CNTNAP2: variants seen among roughly 807,000 people sequenced by gnomAD.
CNTNAP2 encodes contactin-associated protein-like 2.
CNTNAP2 carries 98 observed loss-of-function variants against 155.2 expected under a neutral mutation model. The observed-to-expected ratio is 0.63, with a 90% CI of 0.54 to 0.75. The LOEUF (loss-of-function observed/expected upper bound fraction) is 0.75. Among genes scored for constraint, CNTNAP2 ranks in the 30% least tolerant of loss-of-function variants. The pLI, the probability that CNTNAP2 is intolerant of heterozygous loss-of-function variation, is 0.00. For synonymous variants in CNTNAP2, 651 were observed against 631.2 expected, an observed-to-expected ratio of 1.03 and a Z score of -0.47; for missense variants, 1,727 against 1,688.1, an observed-to-expected ratio of 1.02 and a Z score of -0.40.
intron 14 of CNTNAP2, among the ~76,000 whole-genome samples, chr7:147,975,314 G>A: frequency 6.6e-6 from 1 of 152,024 alleles, no homozygotes; most frequent in East Asian, 1.9e-4. Flanking sequence ...TACTGATTGG[G>A]AAGGGCATGG....
intron 8 of CNTNAP2, among the ~76,000 whole-genome samples, chr7:147,253,536 G>A (rs948521919): frequency 1.6e-4 from 24 of 152,170 alleles, no homozygotes; most frequent in African/African-American, 5.3e-4. Context: ...GATCCACATT[G>A]GGAACAGGAA....
rs374417299 is a variant in CNTNAP2 at position 146,731,694 on chromosome 7, C to T, written c.98-42577C>T. On this transcript the variant is annotated intron_variant, in intron 1 of 23. Coordinates refer to ENST00000361727, the MANE Select transcript of CNTNAP2 (RefSeq NM_014141.6). Reference sequence around the variant, plus strand: ...GTCTTTCAAGAAACTTAAAACAGCACGGATAGAAGTGTGTTTTTAACGTAT... The same window carrying T: ...GTCTTTCAAGAAACTTAAAACAGCATGGATAGAAGTGTGTTTTTAACGTAT... Among the ~76,000 whole-genome samples, 70 of 152,134 alleles carry T rather than the reference C, an allele frequency of 4.6e-4. 2 individuals carry two copies. In the South Asian group the frequency reaches 0.013, roughly 29 times the overall value.
At chr7:146,310,354 T>C (rs962077988) in intron 1 of CNTNAP2, among the ~76,000 whole-genome samples, 1 of 152,220 alleles carries the variant, frequency 6.6e-6, no homozygotes, top group Non-Finnish European at 1.5e-5. Flanking sequence ...ATATTGAATT[T>C]GTATCAGTGT....
chr7:146,931,402 C>A (rs1310461752), intron 3 of CNTNAP2, among the ~76,000 whole-genome samples: 9 of 148,508 alleles, frequency 6.1e-5, no homozygotes, highest in Middle Eastern at 3.4e-3. Context: ...AACAAAGACA[C>A]AACATACCAG....
chr7:146,734,701 A>G (rs930242465), intron 1 of CNTNAP2, among the ~76,000 whole-genome samples: 1 of 152,232 alleles, frequency 6.6e-6, no homozygotes, highest in African/African-American at 2.4e-5. Context: ...ATATTTTTAA[A>G]TATTTGTGAT....
At chr7:146,403,295 T>C (rs1375904883) in intron 1 of CNTNAP2, among the ~76,000 whole-genome samples, 1 of 152,188 alleles carries the variant, frequency 6.6e-6, no homozygotes, top group Non-Finnish European at 1.5e-5. Context: ...TGCTATCATA[T>C]TCGGATGACA....
intron 1 of CNTNAP2, among the ~76,000 whole-genome samples, chr7:146,289,790 C>G (rs1800400270): frequency 6.6e-6 from 1 of 152,088 alleles, no homozygotes; most frequent in Non-Finnish European, 1.5e-5. Flanking sequence ...TATTCCAGAG[C>G]AGAAACATAC....
intron 11 of CNTNAP2, among the ~76,000 whole-genome samples, chr7:147,543,079 A>G (rs567862898): frequency 1.1e-4 from 17 of 152,242 alleles, no homozygotes; most frequent in Non-Finnish European, 2.5e-4. Context: ...CACAGCCTTC[A>G]GAGCTGAGAG....
intron 4 of CNTNAP2, among the ~76,000 whole-genome samples, chr7:147,091,156 C>T (rs1040725378): frequency 5.9e-5 from 9 of 152,044 alleles, no homozygotes; most frequent in African/African-American, 2.2e-4. Context: ...GATTCCTCGT[C>T]CCCTTCCTTC....
chr7:146,341,810 T>C (rs1794734290), intron 1 of CNTNAP2, among the ~76,000 whole-genome samples: 1 of 152,176 alleles, frequency 6.6e-6, no homozygotes, highest in Non-Finnish European at 1.5e-5. Flanking sequence ...CAGTGCTTTG[T>C]AGTTTAAAAA....
intron 1 of CNTNAP2, among the ~76,000 whole-genome samples, chr7:146,417,940 T>G (rs539543649): frequency 8.0e-5 from 9 of 113,178 alleles, no homozygotes; most frequent in Non-Finnish European, 1.5e-4. Flanking sequence ...GGTGCCATGG[T>G]TTACCAGATA....
intron 18 of CNTNAP2, among the ~76,000 whole-genome samples, chr7:148,179,626 AAGG>A (rs1015046970): frequency 8.7e-5 from 12 of 138,296 alleles, no homozygotes; most frequent in African/African-American, 3.1e-4. Flanking sequence ...GGAAGGAAGG[AAGG>A]AGAGAAAGAG....
intron 10 of CNTNAP2, among the ~76,000 whole-genome samples, chr7:147,428,021 C>T (rs571728529): frequency 3.5e-4 from 53 of 152,174 alleles, no homozygotes; most frequent in African/African-American, 1.2e-3. Flanking sequence ...ATCTTTCAAA[C>T]GTGAAAATTT....
intron 15 of CNTNAP2, among the ~76,000 whole-genome samples, chr7:148,067,501 T>C (rs1398789810): frequency 6.6e-6 from 1 of 152,172 alleles, no homozygotes; most frequent in African/African-American, 2.4e-5. Flanking sequence ...CTGGTCGAGG[T>C]AGTAGGGAAG....
intron 11 of CNTNAP2, among the ~76,000 whole-genome samples, chr7:147,507,448 T>A (rs1371740421): frequency 6.6e-6 from 1 of 152,078 alleles, no homozygotes; most frequent in South Asian, 2.1e-4. Context: ...CTTCTCTATA[T>A]CACTGGATCG....
chr7:147,469,088 G>A (rs1159527600), intron 10 of CNTNAP2, among the ~76,000 whole-genome samples: 1 of 152,100 alleles, frequency 6.6e-6, no homozygotes, highest in African/African-American at 2.4e-5. Flanking sequence ...CTCCCAAAGT[G>A]CTGGGGTTAC....
intron 22 of CNTNAP2, among the ~76,000 whole-genome samples, chr7:148,393,918 T>G (rs1799409423): frequency 6.6e-6 from 1 of 151,898 alleles, no homozygotes; most frequent in South Asian, 2.1e-4. Context: ...TATATCTTTA[T>G]ATTCTTTCCT....
intron 13 of CNTNAP2, among the ~76,000 whole-genome samples, chr7:147,779,444 A>C (rs990900783): frequency 6.6e-6 from 1 of 152,232 alleles, no homozygotes; most frequent in South Asian, 2.1e-4. Context: ...AGAAACGTAG[A>C]GTAGAAGAAA....
At chr7:148,382,015 C>T (rs185355680) in intron 21 of CNTNAP2, among the ~76,000 whole-genome samples, 6 of 152,318 alleles carry the variant, frequency 3.9e-5, no homozygotes, top group Admixed American at 2.6e-4. Context: ...TGCTGCCTTA[C>T]AGGAAAGAAA....
Sources: allele counts gnomAD v4.1 joint callset (sites outside exome capture counted in the v4.1 genomes callset), GRCh38; gene constraint gnomAD v4.1.1; transcripts MANE v1.5; gene names NCBI Gene and HGNC (gene_info 2026-07-23, HGNC 2026-07-21).